The following MTPAP variants were observed in gnomAD, a reference collection of about 807,000 sequenced individuals.
The protein encoded by MTPAP is mitochondrial poly(A) polymerase.
In MTPAP, 23 loss-of-function variants were observed where a neutral mutation model predicts 48.7. The ratio of observed to expected loss-of-function variants is 0.47; its 90% confidence interval spans 0.34 to 0.67. MTPAP has a LOEUF of 0.67. Among genes scored for constraint, MTPAP ranks in the 30% least tolerant of loss-of-function variants. The pLI, the probability that MTPAP is intolerant of heterozygous loss-of-function variation, is 0.01. For missense variants in MTPAP, 614 were observed against 694.3 expected, an observed-to-expected ratio of 0.88 and a Z score of 1.30; for synonymous variants, 257 against 254.1, an observed-to-expected ratio of 1.01 and a Z score of -0.11.
intron 3 of MTPAP, among the ~76,000 whole-genome samples, chr10:30,337,969 T>C (rs549829902): frequency 2.0e-5 from 3 of 152,154 alleles, no homozygotes; most frequent in Admixed American, 6.5e-5. Flanking sequence ...GAAACCAACA[T>C]TGAAAATATC....
intron 6 of MTPAP, among the ~76,000 whole-genome samples, chr10:30,320,893 C>T (rs1317463019): frequency 2.6e-5 from 4 of 152,172 alleles, no homozygotes; most frequent in Non-Finnish European, 5.9e-5. Flanking sequence ...TTTTTCCCCA[C>T]GATGGTTTCT....
At position 30,316,000 on chromosome 10, in the gene MTPAP, T is replaced by C; in HGVS notation, c.1349A>G (p.Asn450Ser). Residue 450 changes from asparagine (N) to serine (S), a missense_variant, in exon 8 of 9, where the codon AAT (asparagine) becomes AGT (serine). By Grantham distance (46) the Asn-to-Ser change is conservative. Coordinates refer to ENST00000263063, the MANE Select transcript of MTPAP (RefSeq NM_018109.4). ...TATGGAATTTTTATCGAAAGCAAAATTGCCAAAATACTCAAAAAATTCCTT... is the reference window on the plus strand; with the variant it reads ...TATGGAATTTTTATCGAAAGCAAAACTGCCAAAATACTCAAAAAATTCCTT... ...LLKEFFEYFG[N>S]FAFDKNSINI... 1 of 1,608,540 alleles carries C rather than the reference T, an allele frequency of 6.2e-7. No homozygotes were observed. Among genetic ancestry groups the C allele is most frequent in the Admixed American group, 1.7e-5 (1 of 59,794 alleles).
chr10:30,314,087 G>T, intron 8 of MTPAP, 116 bp from the exon 9 acceptor site: 2 of 1,191,472 alleles, frequency 1.7e-6, no homozygotes, highest in Non-Finnish European at 2.4e-6. Flanking sequence ...ACTTTACATA[G>T]CAAAGAATTT....
chr10:30,345,543 A>G (rs1167539676), intron 1 of MTPAP, among the ~76,000 whole-genome samples: 1 of 152,254 alleles, frequency 6.6e-6, no homozygotes, highest in African/African-American at 2.4e-5. Flanking sequence ...CTAAAGCCGT[A>G]AACAACAGTA....
At chr10:30,348,934 C>T in intron 1 of MTPAP, 185 bp downstream of exon 1, 1 of 749,226 alleles carries the variant, frequency 1.3e-6, no homozygotes, top group Non-Finnish European at 2.2e-6. Context: ...CATCTCACTT[C>T]TGCCTCAGCA....
intron 2 of MTPAP, among the ~76,000 whole-genome samples, chr10:30,340,835 C>T (rs1240587976): frequency 6.6e-6 from 1 of 151,912 alleles, no homozygotes; most frequent in Non-Finnish European, 1.5e-5. Context: ...AGGAGAATCG[C>T]TTGAACCCAA....
chr10:30,335,113 C>A (rs1209356939), intron 4 of MTPAP, among the ~76,000 whole-genome samples: 1 of 152,184 alleles, frequency 6.6e-6, no homozygotes, highest in Admixed American at 6.5e-5. Flanking sequence ...AACTGGACAT[C>A]CACATAAAGT....
intron 3 of MTPAP, among the ~76,000 whole-genome samples, chr10:30,337,364 T>C (rs1360984071): frequency 6.6e-6 from 1 of 151,946 alleles, no homozygotes; most frequent in Non-Finnish European, 1.5e-5. Context: ...GCAGAGGTTG[T>C]GGTGAGCCAA....
chr10:30,347,815 C>T (rs1360263043), intron 1 of MTPAP, among the ~76,000 whole-genome samples: 2 of 152,072 alleles, frequency 1.3e-5, no homozygotes, highest in African/African-American at 2.4e-5. Context: ...CACTTAAACC[C>T]GGGAGGCCAA....
Position 30,335,989 on chromosome 10 carries a change from G to A in MTPAP, c.780+814C>T, listed in dbSNP as rs549426124. ...TGCACCATTGCACTCCAGGCTGGGC[G>A]ACAGAGTGAGACTCAGCCTCAAAAA... is the stretch of plus-strand genomic sequence containing the variant. On this transcript the variant is annotated intron_variant, in intron 4 of 8. Transcript: ENST00000263063. Among the ~76,000 whole-genome samples, 17 of 152,156 alleles carry A rather than the reference G, an allele frequency of 1.1e-4. No homozygotes were observed. In the South Asian group the frequency reaches 2.5e-3, roughly 22 times the overall value.
intron 1 of MTPAP, among the ~76,000 whole-genome samples, chr10:30,343,675 C>T (rs1302956890): frequency 1.3e-5 from 2 of 152,102 alleles, no homozygotes; most frequent in African/African-American, 2.4e-5. Context: ...TCAAGCGATT[C>T]TCATGCCTCA....
intron 5 of MTPAP, among the ~76,000 whole-genome samples, chr10:30,322,998 G>A (rs1032414677): frequency 7.9e-4 from 120 of 151,220 alleles, no homozygotes; most frequent in African/African-American, 2.3e-3. Flanking sequence ...GCGTGGTGGC[G>A]TGCCCCCGTA....
intron 1 of MTPAP, among the ~76,000 whole-genome samples, chr10:30,344,589 G>A (rs904701064): frequency 5.3e-5 from 8 of 152,136 alleles, no homozygotes; most frequent in African/African-American, 1.7e-4. Flanking sequence ...GCTCTGCCTA[G>A]ACCACCTTAC....
chr10:30,333,310 CAT>C (rs1414172822), intron 4 of MTPAP, among the ~76,000 whole-genome samples: 3 of 152,108 alleles, frequency 2.0e-5, no homozygotes, highest in Admixed American at 6.5e-5. Flanking sequence ...ATGTTTCACA[CAT>C]ATTAACTCAA....
intron 3 of MTPAP, 108 bp downstream of exon 3, chr10:30,340,118 A>C: frequency 6.2e-5 from 58 of 932,406 alleles, no homozygotes; most frequent in Non-Finnish European, 9.1e-5. Context: ...GTAAAACTGA[A>C]GATCTATACC....
Position 30,321,974 on chromosome 10 carries a change from A to T in MTPAP, c.1219+417T>A, listed in dbSNP as rs186416413. ...CTTATATGCTTTTCATTAAAAACAC[A>T]TTTAGAATCTTTGAAACATCACGAA... On this transcript the variant is annotated intron_variant, in intron 6 of 8. Coordinates refer to ENST00000263063, the MANE Select transcript of MTPAP (RefSeq NM_018109.4). Among the ~76,000 whole-genome samples the T allele has an allele frequency of 2.8e-3, 422 of 152,362 alleles. 4 individuals are homozygous for T. Among genetic ancestry groups the T allele is most frequent in the Non-Finnish European group, 1.5e-3 (100 of 68,038 alleles).
intron 1 of MTPAP, among the ~76,000 whole-genome samples, chr10:30,342,492 C>G (rs1834823138): frequency 6.8e-6 from 1 of 146,106 alleles, no homozygotes; most frequent in African/African-American, 2.5e-5. Flanking sequence ...TGCCCACTTT[C>G]TCTGTTTTGA....
chr10:30,348,538 C>G (rs796983902), intron 1 of MTPAP, among the ~76,000 whole-genome samples: 3 of 152,120 alleles, frequency 2.0e-5, no homozygotes, highest in African/African-American at 7.2e-5. Flanking sequence ...CACAAAGAAG[C>G]ATATAAATGT....
chr10:30,343,255 C>T lies in MTPAP; in HGVS notation c.158-1615G>A, dbSNP rs140524857. Among the ~76,000 whole-genome samples, 697 of 151,930 alleles carry T rather than the reference C, an allele frequency of 4.6e-3. 1 individual carries two copies. Among genetic ancestry groups the T allele is most frequent in the African/African-American group, 0.015 (616 of 41,452 alleles). ...CCTGAGGCCAGGAGTTTGAGACCAG[C>T]CTGCCCAAATTAGCCAGGCGTGGTG... On this transcript the variant is annotated intron_variant, in intron 1 of 8. Coordinates refer to ENST00000263063, the MANE Select transcript of MTPAP (RefSeq NM_018109.4).
Sources: allele counts gnomAD v4.1 joint callset (sites outside exome capture counted in the v4.1 genomes callset), GRCh38; gene constraint gnomAD v4.1.1; transcripts MANE v1.5; gene names NCBI Gene and HGNC (gene_info 2026-07-23, HGNC 2026-07-21).